The following SEC22C variants were observed in gnomAD, a reference collection of about 807,000 sequenced individuals.
The protein encoded by SEC22C is SEC22 homolog C, vesicle trafficking protein, also known as vesicle-trafficking protein SEC22c.
A neutral mutation model predicts 34.7 loss-of-function variants in SEC22C; 29 were observed. The observed-to-expected ratio is 0.84, with a 90% CI of 0.62 to 1.14. The LOEUF (loss-of-function observed/expected upper bound fraction) is 1.14, where lower values mean the gene tolerates loss of function less well. Ranked by LOEUF, SEC22C falls within the 50% of genes most tolerant of loss-of-function variation. The pLI is 0.00. For synonymous variants in SEC22C, 117 were observed against 132.8 expected, an observed-to-expected ratio of 0.88 and a Z score of 0.82; for missense variants, 337 against 369.0, an observed-to-expected ratio of 0.91 and a Z score of 0.71.
At chr3:42,586,649 C>T (rs551748045), upstream of SEC22C, among the ~76,000 whole-genome samples, 1 of 151,492 alleles carries the variant, frequency 6.6e-6, no homozygotes, top group African/African-American at 2.4e-5. Context: ...TCTCTAGTCT[C>T]TTTCTCCCCT....
rs145747771 is a variant in SEC22C, at chr3:42,580,220, T to TGA, written c.-28+1624_-28+1625dup. 4.6e-5 allele frequency among the ~76,000 whole-genome samples: 7 copies of TGA among 150,630 alleles called. No homozygotes were observed. In the East Asian group the frequency reaches 5.8e-4, roughly 13 times the overall value. On this transcript the variant is annotated intron_variant, in intron 1 of 6. Coordinates refer to ENST00000264454, the MANE Select transcript of SEC22C (RefSeq NM_032970.4). ...CTCCTCAAGCCCCTACCACATGCACTGAGAGAGAGAGAGGCTGAGAGAGAC... is the reference window on the plus strand; with the variant it reads ...CTCCTCAAGCCCCTACCACATGCACTGAGAGAGAGAGAGAGGCTGAGAGAGAC...
At chr3:42,578,264 C>A in intron 1 of SEC22C, among the ~76,000 whole-genome samples, 1 of 152,142 alleles carries the variant, frequency 6.6e-6, no homozygotes, top group South Asian at 2.1e-4. Context: ...GTACACAGAA[C>A]AACTTGAATG....
rs530766748 is a variant in SEC22C at position 42,577,923 on chromosome 3, C to T, written c.-28+3923G>A. 5.1e-3 allele frequency among the ~76,000 whole-genome samples: 776 copies of T among 151,952 alleles called. 7 individuals are homozygous for T. Among genetic ancestry groups the T allele is most frequent in the African/African-American group, 0.018 (744 of 41,432 alleles). On this transcript the variant is annotated intron_variant, in intron 1 of 6. Coordinates refer to ENST00000264454, the MANE Select transcript of SEC22C (RefSeq NM_032970.4). The stretch of plus-strand genomic sequence containing the variant: ...AGGCGGAGGTTGCAGTGCGCCAAGA[C>T]TGCACCATTGCACTCCAGCCTGGAC...
rs370461276 is a variant in SEC22C, at chr3:42,548,636, A to G, written c.*4612T>C. ...CTGGCTCACGAGGTTTGGTCCAACC[A>G]GCAGAACCAGCTCCTTGGATCCTGG... On this transcript the variant is annotated 3_prime_UTR_variant, in exon 7 of 7. Transcript: ENST00000264454. 9.9e-6 allele frequency: 16 copies of G among 1,614,022 alleles called. No homozygotes were observed. Among genetic ancestry groups the G allele is most frequent in the East Asian group, 8.9e-5 (4 of 44,878 alleles).
At chr3:42,601,074 A>G in exon 1 of SEC22C, 1 of 1,559,208 alleles carries the variant, frequency 6.4e-7, no homozygotes, top group Non-Finnish European at 8.7e-7. Flanking sequence ...GGTGAGCTGG[A>G]AACTGGGGAG....
In SEC22C at chr3:42,551,358, T is replaced by C. The variant is rs1702246564; in HGVS notation, c.*1890A>G. On this transcript the variant is annotated 3_prime_UTR_variant, in exon 7 of 7. Transcript: ENST00000264454. ...ATATAATTTTCATATTCAGACTTTT[T>C]AGAGACAGGGTTTCACTCTGTCATG... The C allele has an allele frequency of 1.0e-6, 1 of 984,996 alleles. No individual in the cohort carries two copies. The highest frequency in any genetic ancestry group is 6.1e-5 in the Admixed American group (1 of 16,284). 61.0% of individuals were successfully genotyped at this position (984,996 alleles called of 1,614,324 possible).
intron 1 of SEC22C, chr3:42,591,644 G>T (rs780804985): frequency 1.5e-6 from 2 of 1,353,018 alleles, no homozygotes; most frequent in South Asian, 2.3e-5. Context: ...TGGGTAGAGG[G>T]GAAGCCTGTG....
intron 1 of SEC22C, chr3:42,600,890 C>T: frequency 1.3e-6 from 1 of 743,312 alleles, no homozygotes; most frequent in Non-Finnish European, 2.0e-6. Context: ...CGTGAGGCAC[C>T]GTGGCGCGGA....
At chr3:42,596,758 CAT>C (rs1705044504) in intron 1 of SEC22C, among the ~76,000 whole-genome samples, 2 of 152,108 alleles carry the variant, frequency 1.3e-5, no homozygotes, top group Admixed American at 1.3e-4. Context: ...TATTTTATCT[CAT>C]TTATTTTACA....
intron 1 of SEC22C, among the ~76,000 whole-genome samples, 160 bp downstream of exon 1, chr3:42,581,686 C>T (rs568032713): frequency 5.9e-5 from 9 of 152,400 alleles, no homozygotes; most frequent in Middle Eastern, 3.4e-3. Context: ...CTCCAAGAAG[C>T]CCAGTGAAGC....
intron 2 of SEC22C, 198 bp from the exon 3 acceptor site, chr3:42,563,884 G>A: frequency 6.8e-7 from 1 of 1,468,528 alleles, no homozygotes; most frequent in Non-Finnish European, 9.1e-7. Context: ...AAAATGTCTA[G>A]TAGTCTTAAT....
chr3:42,552,164 A>C lies in SEC22C; in HGVS notation c.*1084T>G. 1.0e-6 allele frequency: 1 copy of C among 985,274 alleles called. No individual in the cohort carries two copies. The highest frequency in any genetic ancestry group is 4.7e-5 in the South Asian group (1 of 21,288). 61.0% of individuals were successfully genotyped at this position (985,274 alleles called of 1,614,324 possible). On this transcript the variant is annotated 3_prime_UTR_variant, in exon 7 of 7. Coordinates refer to ENST00000264454, the MANE Select transcript of SEC22C (RefSeq NM_032970.4). ...ACTTTCCAGAGTATGTGTTAATTAT[A>C]TCTCTATCAAGCTTTAAAAAGTTAA...
At chr3:42,578,620 A>T (rs148936657) in intron 1 of SEC22C, among the ~76,000 whole-genome samples, 30 of 152,170 alleles carry the variant, frequency 2.0e-4, no homozygotes, top group African/African-American at 7.2e-4. Flanking sequence ...AGAATTATAT[A>T]ATATGTAATC....
At chr3:42,582,178 C>T (rs535274288), upstream of SEC22C, 2 of 152,218 alleles carry the variant, frequency 1.3e-5, no homozygotes, top group African/African-American at 4.8e-5. Context: ...TTTCTTCCCA[C>T]CTCCCGGCTC....
chr3:42,593,111 T>C lies in SEC22C; in HGVS notation c.-28+7849A>G, dbSNP rs529886890. Among the ~76,000 whole-genome samples the C allele has an allele frequency of 1.5e-3, 222 of 152,274 alleles. 1 individual carries two copies. Among genetic ancestry groups the C allele is most frequent in the Non-Finnish European group, 1.8e-3 (125 of 68,022 alleles). On this transcript the variant is annotated intron_variant, in intron 1 of 6. Transcript: ENST00000417572. Reference sequence around the variant, plus strand: ...TATTATAAGTAATCTAGAGATTATTTAAACTGTGAGCCAGGTGTGGTGGCT... The same window carrying C: ...TATTATAAGTAATCTAGAGATTATTCAAACTGTGAGCCAGGTGTGGTGGCT...
chr3:42,594,839 C>T lies in SEC22C; in HGVS notation c.-28+6121G>A, dbSNP rs1161103642. 1.6e-5 allele frequency: 3 copies of T among 182,140 alleles called. No individual in the cohort carries two copies. The Admixed American group carries it at 1.8e-4, about 11-fold the overall frequency. The allele number at this position is 182,140 out of a possible 1,614,324, so 11.3% of individuals were successfully genotyped here. On this transcript the variant is annotated intron_variant, in intron 1 of 6. Coordinates refer to the SEC22C transcript ENST00000417572. The stretch of plus-strand genomic sequence containing the variant: ...TTTTAGTTTCAACCTGAAGAGGAAA[C>T]TCAGTAGGTGTTGGGCAGGAATTGG...
Position 42,549,428 on chromosome 3 carries a change from A to T in SEC22C, c.*3820T>A, listed in dbSNP as rs569052182. 6.1e-6 allele frequency: 6 copies of T among 985,618 alleles called. No homozygotes were observed. In the East Asian group the frequency reaches 6.8e-4, roughly 112 times the overall value. 61.1% of individuals were successfully genotyped at this position (985,618 alleles called of 1,614,324 possible). ...GTGCAACCCCCATATGCCAAGGGGCAGCTGCTATCTTCCAGCAGAGAGAGA... is the reference window on the plus strand; with the variant it reads ...GTGCAACCCCCATATGCCAAGGGGCTGCTGCTATCTTCCAGCAGAGAGAGA... On this transcript the variant is annotated 3_prime_UTR_variant, in exon 7 of 7. Coordinates refer to ENST00000264454, the MANE Select transcript of SEC22C (RefSeq NM_032970.4).
At position 42,592,509 on chromosome 3, in the gene SEC22C, T is replaced by C. The variant is rs143965409; in HGVS notation, c.-28+8451A>G. Reference sequence around the variant, plus strand: ...GCCACCACGGCCGACCTTATGCCCATTTCTTATAGAAAAATATATTATTTC... The same window carrying C: ...GCCACCACGGCCGACCTTATGCCCACTTCTTATAGAAAAATATATTATTTC... On this transcript the variant is annotated intron_variant, in intron 1 of 6. Coordinates refer to the SEC22C transcript ENST00000417572. Among the ~76,000 whole-genome samples, 309 of 152,312 alleles carry C rather than the reference T, an allele frequency of 2.0e-3. 1 individual carries two copies. The highest frequency in any genetic ancestry group is 6.8e-3 in the Middle Eastern group (2 of 294).
chr3:42,584,235 G>A (rs2125734495), upstream of SEC22C, among the ~76,000 whole-genome samples: 1 of 152,290 alleles, frequency 6.6e-6, no homozygotes, highest in Non-Finnish European at 1.5e-5. Context: ...CAGGTTGCAG[G>A]TCAATGTAGA....
Sources: allele counts gnomAD v4.1 joint callset (sites outside exome capture counted in the v4.1 genomes callset), GRCh38; gene constraint gnomAD v4.1.1; transcripts MANE v1.5; gene names NCBI Gene and HGNC (gene_info 2026-07-23, HGNC 2026-07-21).